Variants in CD99L2 observed in about 807,000 individuals in gnomAD.
CD99L2 encodes CD99 molecule like 2.
CD99L2 carries 24 observed loss-of-function variants against 27.3 expected under a neutral mutation model. The ratio of observed to expected loss-of-function variants is 0.88; its 90% confidence interval spans 0.64 to 1.24. The LOEUF (loss-of-function observed/expected upper bound fraction) is 1.24. CD99L2 is among the 50% of genes most tolerant of loss of function. The pLI, the probability that CD99L2 is intolerant of heterozygous loss-of-function variation, is 0.00. For missense variants in CD99L2, 255 were observed against 221.6 expected (o/e 1.15, Z -0.96); for synonymous variants, 97 against 87.9 (o/e 1.10, Z -0.58).
intron 1 of CD99L2, among the ~76,000 whole-genome samples, chrX:150,858,930 A>C (rs1462943847): frequency 1.8e-5 from 2 of 111,955 alleles, no homozygotes; most frequent in Non-Finnish European, 3.8e-5. Context: ...AAAATTGATA[A>C]ACCAATTTTG....
intron 4 of CD99L2, among the ~76,000 whole-genome samples, chrX:150,800,641 C>A (rs2045890096): frequency 9.0e-6 from 1 of 110,955 alleles, no homozygotes; most frequent in Admixed American, 9.6e-5. Context: ...CAATGCCCAG[C>A]AAATACTAAA....
At chrX:150,836,688 T>G (rs782158834) in intron 1 of CD99L2, among the ~76,000 whole-genome samples, 1 of 111,876 alleles carries the variant, frequency 8.9e-6, no homozygotes, top group East Asian at 2.8e-4. Flanking sequence ...GAGATGTGTT[T>G]GTTACACTTT....
intron 7 of CD99L2, among the ~76,000 whole-genome samples, chrX:150,787,888 G>GTATA (rs527795783): frequency 0.055 from 3,484 of 63,440 alleles, 117 homozygotes; most frequent in Middle Eastern, 0.085. Flanking sequence ...AGAACTTAAA[G>GTATA]TATATATATA....
In CD99L2 at chrX:150,847,567, C is replaced by T. The variant is rs187770813; in HGVS notation, c.68-16274G>A. The stretch of plus-strand genomic sequence containing the variant: ...TGCTTTCTCTCCCACCCCTTCATAA[C>T]CAAACTCATAAAATGACTATCTATC... On this transcript the variant is annotated intron_variant, in intron 1 of 10. Transcript: ENST00000370377. Among the ~76,000 whole-genome samples the T allele has an allele frequency of 8.9e-4, 98 of 110,700 alleles. 1 individual carries two copies. The highest frequency in any genetic ancestry group is 1.3e-3 in the Non-Finnish European group (67 of 52,999).
At chrX:150,834,764 C>T (rs1200383680) in intron 1 of CD99L2, among the ~76,000 whole-genome samples, 1 of 111,999 alleles carries the variant, frequency 8.9e-6, no homozygotes, top group Non-Finnish European at 1.9e-5. Context: ...ATTGAAATCA[C>T]GATTTTAAAG....
intron 1 of CD99L2, among the ~76,000 whole-genome samples, chrX:150,859,360 A>AT (rs1304861712): frequency 9.0e-6 from 1 of 110,975 alleles, no homozygotes; most frequent in African/African-American, 3.3e-5. Flanking sequence ...TTAGCCAGGC[A>AT]TGGTGGCACG....
chrX:150,898,491 G>A, intron 1 of CD99L2, 31 bp downstream of exon 1: 1 of 1,083,127 alleles, frequency 9.2e-7, no homozygotes, highest in South Asian at 2.2e-5. Flanking sequence ...GGGTCCCCGC[G>A]CGGTCCCCGC....
chrX:150,795,127 G>T (rs2045772726), intron 6 of CD99L2, 79 bp downstream of exon 6: 2 of 1,113,206 alleles, frequency 1.8e-6, no homozygotes, highest in Non-Finnish European at 1.2e-6. Context: ...AGTGCCTCCA[G>T]CTCTGCCAGG....
chrX:150,769,685 CCAGGCCTCGGCTG>C (rs1159052405), intron 10 of CD99L2, among the ~76,000 whole-genome samples: 2 of 86,032 alleles, frequency 2.3e-5, no homozygotes, highest in Non-Finnish European at 3.9e-5. Flanking sequence ...GCCTGCGCCA[CCAGGCCTCGGCTG>C]CTCCCCGACC....
In CD99L2 at chrX:150,766,677, C is replaced by G. The variant is rs2043318308; in HGVS notation, c.*2357G>C. ...CCTTTCAGTCCACTGTGTCTCCCCT[C>G]TCGCTTGGGACAGGCCCATGCTGGC... On this transcript the variant is annotated 3_prime_UTR_variant, in exon 11 of 11. Coordinates refer to ENST00000370377, the MANE Select transcript of CD99L2 (RefSeq NM_031462.4). The G allele has an allele frequency of 8.9e-6, 1 of 112,864 alleles. No homozygotes were observed. Among genetic ancestry groups the G allele is most frequent in the Non-Finnish European group, 1.9e-5 (1 of 53,389 alleles). 9.3% of individuals were successfully genotyped at this position (112,864 alleles called of 1,213,427 possible).
chrX:150,841,971 CCA>C (rs2046629484), intron 1 of CD99L2, among the ~76,000 whole-genome samples: 1 of 111,606 alleles, frequency 9.0e-6, no homozygotes, highest in African/African-American at 3.3e-5. Context: ...TGCAGGCAGA[CCA>C]CAGTCCTCTG....
intron 1 of CD99L2, among the ~76,000 whole-genome samples, chrX:150,884,835 C>T (rs192748871): frequency 6.6e-4 from 74 of 112,240 alleles, no homozygotes; most frequent in African/African-American, 2.1e-3. Flanking sequence ...CTCCTGGCAG[C>T]ACTACTTAAA....
intron 2 of CD99L2, among the ~76,000 whole-genome samples, chrX:150,819,903 A>T (rs1199506886): frequency 9.0e-6 from 1 of 111,725 alleles, no homozygotes; most frequent in Non-Finnish European, 1.9e-5. Flanking sequence ...TTAATTGCTG[A>T]ATTCTACCAA....
chrX:150,868,084 A>AAAT (rs781930485), intron 1 of CD99L2, among the ~76,000 whole-genome samples: 10,774 of 96,390 alleles, frequency 0.11, 548 homozygotes, highest in Non-Finnish European at 0.12. Flanking sequence ...TCCATCTCAA[A>AAAT]AATAATAATA....
At chrX:150,769,123 A>AT (rs782275984) in intron 10 of CD99L2, 22 bp from the exon 11 acceptor site, 2 of 1,161,128 alleles carry the variant, frequency 1.7e-6, no homozygotes, top group Admixed American at 5.7e-5. Context: ...AGAGGCCGTC[A>AT]GAAGGAATTC....
At chrX:150,822,320 T>C (rs1221007253) in intron 2 of CD99L2, among the ~76,000 whole-genome samples, 2 of 112,164 alleles carry the variant, frequency 1.8e-5, no homozygotes, top group Non-Finnish European at 3.8e-5. Context: ...CAGGATAAAT[T>C]CACAGATACA....
chrX:150,853,106 C>T (rs923078723), intron 1 of CD99L2, among the ~76,000 whole-genome samples: 12 of 111,548 alleles, frequency 1.1e-4, no homozygotes, highest in African/African-American at 3.9e-4. Context: ...GGACTACTAC[C>T]CCACCATTCA....
At chrX:150,819,199 G>T in intron 2 of CD99L2, 1 of 368,654 alleles carries the variant, frequency 2.7e-6, no homozygotes. Context: ...GTCCAGGAAT[G>T]GCAAGACCAG....
chrX:150,769,682 C>A (rs899919911), intron 10 of CD99L2, among the ~76,000 whole-genome samples: 2 of 86,107 alleles, frequency 2.3e-5, no homozygotes, highest in South Asian at 4.1e-4. Flanking sequence ...CCTGCCTGCG[C>A]CACCAGGCCT....
Sources: gnomAD v4.1 joint callset for allele counts (sites outside exome capture counted in the v4.1 genomes callset) on GRCh38, gnomAD v4.1.1 for gene constraint, MANE v1.5 for transcripts, NCBI Gene and HGNC (gene_info 2026-07-23, HGNC 2026-07-21) for gene names.